RASA1: variants seen among roughly 807,000 people sequenced by gnomAD.
The protein encoded by RASA1 is ras GTPase-activating protein 1.
Under a neutral mutation model 132.2 loss-of-function variants are expected in RASA1, and 25 were observed. The ratio of observed to expected loss-of-function variants is 0.19; its 90% CI spans 0.14 to 0.26. The LOEUF (loss-of-function observed/expected upper bound fraction) is 0.26, where lower values mean the gene tolerates loss of function less well. Ranked by LOEUF, RASA1 falls within the 10% of genes least tolerant of loss-of-function variation. RASA1 has a pLI of 1.00. For synonymous variants in RASA1, 477 were observed against 449.9 expected (o/e 1.06, Z -0.76); for missense variants, 964 against 1,299.2 (o/e 0.74, Z 3.97).
At chr5:87,341,913 T>C (rs1758498635) in intron 6 of RASA1, among the ~76,000 whole-genome samples, 1 of 152,168 alleles carries the variant, frequency 6.6e-6, no homozygotes, top group Non-Finnish European at 1.5e-5. Flanking sequence ...CCTCAAGTGT[T>C]TGCTTTTTCT....
chr5:87,282,616 C>T (rs1754366171), intron 1 of RASA1, among the ~76,000 whole-genome samples: 1 of 152,150 alleles, frequency 6.6e-6, no homozygotes, highest in Non-Finnish European at 1.5e-5. Flanking sequence ...ATGTTTTCAG[C>T]CATTATTTTT....
At chr5:87,381,424 A>G (rs574290689) in intron 20 of RASA1, among the ~76,000 whole-genome samples, 22 of 152,344 alleles carry the variant, frequency 1.4e-4, no homozygotes, top group African/African-American at 5.1e-4. Flanking sequence ...GGAATACAGC[A>G]GTTTTCTAAT....
intron 11 of RASA1, among the ~76,000 whole-genome samples, chr5:87,363,920 T>C (rs775308852): frequency 2.6e-5 from 4 of 152,098 alleles, no homozygotes; most frequent in African/African-American, 4.8e-5. Flanking sequence ...AAAATTGTCT[T>C]GATAGGAAAA....
rs1163892586 is a variant in RASA1, at chr5:87,366,163, T to C, written c.1610+2659T>C. ...ATTATATGTACAATACAAAAAGATA[T>C]GTGTCTTGACAGTTTATGGATTTAA... On this transcript the variant is annotated intron_variant, in intron 11 of 24. Coordinates refer to ENST00000274376, the MANE Select transcript of RASA1 (RefSeq NM_002890.3). Among the ~76,000 whole-genome samples the C allele has an allele frequency of 3.3e-5, 5 of 152,186 alleles. No homozygotes were observed. In the East Asian group the frequency reaches 7.7e-4, roughly 23 times the overall value.
At position 87,268,810 on chromosome 5, in the gene RASA1, C is replaced by G. The variant is rs750451305; in HGVS notation, c.359C>G (p.Pro120Arg). 18 of 1,613,992 alleles carry G rather than the reference C, an allele frequency of 1.1e-5. No homozygotes were observed. The highest frequency in any genetic ancestry group is 1.4e-5 in the Non-Finnish European group (16 of 1,180,032). The change falls in exon 1 of 25, where the codon CCC becomes CGC. Residue 120 changes from proline to arginine, a missense_variant. Coordinates refer to ENST00000274376, the MANE Select transcript of RASA1 (RefSeq NM_002890.3). ...PSGDMALTKLPTSLLAETLGP... is the reference protein window; with the variant it reads ...PSGDMALTKLRTSLLAETLGP... ...GGAGACATGGCTCTCACCAAACTGC[C>G]CACTTCGTTGCTTGCTGAGACTCTC...
In RASA1 at chr5:87,268,515, G is replaced by T. The variant is rs371413736; in HGVS notation, c.64G>T (p.Gly22Cys). The change falls in exon 1 of 25, where the codon GGC (glycine) becomes TGC (cysteine). Residue 22 changes from glycine (G) to cysteine (C), a missense_variant. Gly to Cys is a radical substitution (Grantham distance 159). Coordinates refer to ENST00000274376, the MANE Select transcript of RASA1 (RefSeq NM_002890.3). The part of the protein sequence containing the change: ...GPVTAGAGGG[G>C]AAAGSSAYPA... ...GGTAACAGCCGGAGCTGGAGGAGGCGGCGCGGCAGCGGGCTCCAGTGCCTA... is the reference window on the plus strand; with the variant it reads ...GGTAACAGCCGGAGCTGGAGGAGGCTGCGCGGCAGCGGGCTCCAGTGCCTA... 305 of 1,577,504 alleles carry T rather than the reference G, an allele frequency of 1.9e-4. No individual in the cohort carries two copies. The highest frequency in any genetic ancestry group is 2.4e-4 in the Non-Finnish European group (284 of 1,162,930).
chr5:87,371,590 T>G (rs1215947999), intron 12 of RASA1, among the ~76,000 whole-genome samples: 2 of 152,206 alleles, frequency 1.3e-5, no homozygotes, highest in East Asian at 3.9e-4. Context: ...TTGAGAAGCT[T>G]AAAAATAACC....
chr5:87,293,846 G>T (rs1321007366), intron 1 of RASA1, among the ~76,000 whole-genome samples: 1 of 151,964 alleles, frequency 6.6e-6, no homozygotes, highest in African/African-American at 2.4e-5. Flanking sequence ...TTGCAAATTT[G>T]TGGGCGTAGA....
intron 1 of RASA1, among the ~76,000 whole-genome samples, chr5:87,281,596 T>C (rs892456541): frequency 2.0e-5 from 3 of 152,070 alleles, no homozygotes; most frequent in African/African-American, 7.2e-5. Context: ...TTTTTGTTTT[T>C]TTGAGACGGA....
At chr5:87,277,059 C>T (rs927353557) in intron 1 of RASA1, among the ~76,000 whole-genome samples, 1 of 151,960 alleles carries the variant, frequency 6.6e-6, no homozygotes, top group Admixed American at 6.6e-5. Flanking sequence ...ATTTGCTAAT[C>T]ATTTGCTAGA....
At chr5:87,298,329 A>G (rs1010840528) in intron 1 of RASA1, among the ~76,000 whole-genome samples, 2 of 151,150 alleles carry the variant, frequency 1.3e-5, no homozygotes, top group Admixed American at 6.6e-5. Context: ...GAATGGTGTG[A>G]GCCAGGGAGG....
At chr5:87,341,688 C>T (rs1758476503) in intron 6 of RASA1, among the ~76,000 whole-genome samples, 1 of 151,892 alleles carries the variant, frequency 6.6e-6, no homozygotes. Flanking sequence ...CCCAAAATAA[C>T]GGTTCTTCAC....
intron 1 of RASA1, among the ~76,000 whole-genome samples, chr5:87,273,462 C>T (rs1006260698): frequency 1.3e-5 from 2 of 151,838 alleles, no homozygotes; most frequent in Admixed American, 1.3e-4. Context: ...TTTGGAGTTT[C>T]TTTTCATGGT....
rs1305313587 is a variant in RASA1, at chr5:87,391,562, A to G, written c.*679A>G. The G allele has an allele frequency of 4.2e-6, 1 of 236,888 alleles. No homozygotes were observed. The highest frequency in any genetic ancestry group is 8.3e-6 in the Non-Finnish European group (1 of 119,974). 14.7% of individuals were successfully genotyped at this position (236,888 alleles called of 1,614,324 possible). A position where few individuals can be genotyped will look rare whatever the true frequency, so the allele number is the denominator to read the frequency against. ...TGAAATTGTCAAAGACTGTATTTAG[A>G]TCTCATAATGCTTTGTTAAATGTTT... On this transcript the variant is annotated 3_prime_UTR_variant, in exon 25 of 25. Coordinates refer to ENST00000274376, the MANE Select transcript of RASA1 (RefSeq NM_002890.3).
intron 2 of RASA1, among the ~76,000 whole-genome samples, 194 bp downstream of exon 2, chr5:87,331,694 ATTG>A (rs1757612653): frequency 6.6e-6 from 1 of 152,182 alleles, no homozygotes; most frequent in Non-Finnish European, 1.5e-5. Flanking sequence ...TAAAAACAAT[ATTG>A]TTGGGCATTA....
chr5:87,333,586 A>T (rs1209130862), intron 4 of RASA1, among the ~76,000 whole-genome samples: 1 of 152,202 alleles, frequency 6.6e-6, no homozygotes, highest in Non-Finnish European at 1.5e-5. Flanking sequence ...ACTGTCTCTC[A>T]CAAAGTAAGG....
chr5:87,306,935 T>C (rs952656405), intron 1 of RASA1, among the ~76,000 whole-genome samples: 4 of 152,194 alleles, frequency 2.6e-5, no homozygotes, highest in African/African-American at 9.7e-5. Flanking sequence ...CATAGCTTAC[T>C]GCATACTTGA....
intron 1 of RASA1, among the ~76,000 whole-genome samples, chr5:87,319,205 T>G (rs1362882820): frequency 6.6e-6 from 1 of 152,190 alleles, no homozygotes; most frequent in African/African-American, 2.4e-5. Context: ...GCCTGCAACT[T>G]TTGCAGGCAC....
chr5:87,342,522 G>T (rs537226951), intron 6 of RASA1, among the ~76,000 whole-genome samples: 6 of 152,084 alleles, frequency 3.9e-5, no homozygotes, highest in Non-Finnish European at 5.9e-5. Flanking sequence ...AAGTGAAGCG[G>T]GTCAAGTATA....
Sources: gnomAD v4.1 joint callset for allele counts (sites outside exome capture counted in the v4.1 genomes callset) on GRCh38, gnomAD v4.1.1 for gene constraint, MANE v1.5 for transcripts, NCBI Gene and HGNC (gene_info 2026-07-23, HGNC 2026-07-21) for gene names.